CLASP1: variants seen among roughly 807,000 people sequenced by gnomAD.
CLASP1 encodes cytoplasmic linker associated protein 1.
Under a neutral mutation model 192.3 loss-of-function variants are expected in CLASP1, and 38 were observed. The observed-to-expected ratio is 0.20, with a 90% CI of 0.15 to 0.26. CLASP1 has a LOEUF of 0.26. CLASP1 is among the 10% of genes least tolerant of loss of function. The pLI is 1.00. For missense variants in CLASP1, 1,433 were observed against 1,932.5 expected, an observed-to-expected ratio of 0.74 and a Z score of 4.85; for synonymous variants, 691 against 712.8, an observed-to-expected ratio of 0.97 and a Z score of 0.49.
chr2:121,359,244 T>C (rs921329113), intron 37 of CLASP1, among the ~76,000 whole-genome samples: 1 of 152,376 alleles, frequency 6.6e-6, no homozygotes, highest in East Asian at 1.9e-4. Flanking sequence ...GTATAGCATA[T>C]GACAATTTTA....
In CLASP1 at chr2:121,383,221, C is replaced by T. The variant is rs188523586; in HGVS notation, c.3375-897G>A. 6.6e-5 allele frequency among the ~76,000 whole-genome samples: 10 copies of T among 152,356 alleles called. No homozygotes were observed. In the East Asian group the frequency reaches 1.9e-3, roughly 29 times the overall value. ...TGGCATCAGTGCCAGGGTGCCTACA[C>T]AGCAGCCCTGCCTGCCACTGGCATT... is the stretch of plus-strand genomic sequence containing the variant. On this transcript the variant is annotated intron_variant, in intron 32 of 39. Transcript: ENST00000263710.
chr2:121,369,445 T>C (rs1431463250), intron 34 of CLASP1, among the ~76,000 whole-genome samples: 1 of 152,052 alleles, frequency 6.6e-6, no homozygotes, highest in Admixed American at 6.5e-5. Flanking sequence ...AAAAATACCA[T>C]TATAATGAAA....
At chr2:121,412,904 T>C (rs2077957692) in intron 23 of CLASP1, among the ~76,000 whole-genome samples, 1 of 152,170 alleles carries the variant, frequency 6.6e-6, no homozygotes. Context: ...TTCCAAGAGA[T>C]GAATACCTAT....
chr2:121,376,227 T>A (rs1052367185), intron 34 of CLASP1, among the ~76,000 whole-genome samples: 3 of 152,188 alleles, frequency 2.0e-5, no homozygotes, highest in African/African-American at 7.2e-5. Context: ...GCCTACACCC[T>A]CATGTTTGTT....
chr2:121,364,036 C>T (rs2066911106), intron 36 of CLASP1: 1 of 152,186 alleles, frequency 6.6e-6, no homozygotes, highest in African/African-American at 2.4e-5. Flanking sequence ...GGCATAACTG[C>T]CTTACGAGCC....
chr2:121,371,584 AGTTCT>A (rs936636807), intron 34 of CLASP1, among the ~76,000 whole-genome samples: 9 of 151,914 alleles, frequency 5.9e-5, no homozygotes, highest in Admixed American at 2.0e-4. Context: ...TCTTGATAGG[AGTTCT>A]GTTTCCCTAG....
intron 8 of CLASP1, chr2:121,470,399 A>G: frequency 2.3e-6 from 1 of 437,286 alleles, no homozygotes; most frequent in East Asian, 6.0e-5. Context: ...GAGCCACTGT[A>G]CTTGGTCACC....
chr2:121,594,486 G>A (rs1384751751), intron 2 of CLASP1, among the ~76,000 whole-genome samples: 4 of 150,552 alleles, frequency 2.7e-5, no homozygotes, highest in Admixed American at 6.6e-5. Context: ...TCCGCCTCCC[G>A]GGTTCACACC....
chr2:121,516,476 C>T (rs932970225), intron 6 of CLASP1, among the ~76,000 whole-genome samples: 13 of 152,178 alleles, frequency 8.5e-5, no homozygotes, highest in Admixed American at 6.5e-4. Flanking sequence ...CAGACATGCA[C>T]GGCACATGCT....
chr2:121,604,343 G>A (rs1440630271), intron 2 of CLASP1, among the ~76,000 whole-genome samples: 3 of 152,276 alleles, frequency 2.0e-5, no homozygotes, highest in East Asian at 1.9e-4. Context: ...ATAAACAGAT[G>A]AATGAAATAG....
At chr2:121,371,386 C>T (rs1344850186) in intron 34 of CLASP1, among the ~76,000 whole-genome samples, 2 of 151,890 alleles carry the variant, frequency 1.3e-5, no homozygotes, top group Non-Finnish European at 2.9e-5. Flanking sequence ...TGCACACCAC[C>T]ACATCTAGAT....
chr2:121,384,570 T>C (rs1355120118), intron 32 of CLASP1, among the ~76,000 whole-genome samples: 22 of 152,130 alleles, frequency 1.4e-4, no homozygotes, highest in Admixed American at 1.0e-3. Context: ...TATAGAAATT[T>C]TGGACTAAAA....
At chr2:121,349,246 A>G (rs547152902) in intron 37 of CLASP1, among the ~76,000 whole-genome samples, 4 of 151,968 alleles carry the variant, frequency 2.6e-5, no homozygotes, top group South Asian at 2.1e-4. Flanking sequence ...TCTCAAAAAA[A>G]AAAAGAAAAG....
rs531599026 is a variant in CLASP1 at position 121,531,321 on chromosome 2, C to T, written c.196-996G>A. Among the ~76,000 whole-genome samples the T allele has an allele frequency of 1.3e-4, 20 of 152,262 alleles. No homozygotes were observed. The East Asian group carries it at 3.5e-3, about 26-fold the overall frequency. On this transcript the variant is annotated intron_variant, in intron 2 of 39. Transcript: ENST00000263710. ...CACATAAAATGTAATCCAGGTCGGG[C>T]GCGGTGGCTCACGCCTGCAATCCCA...
At chr2:121,623,751 G>C (rs1388611674) in intron 1 of CLASP1, among the ~76,000 whole-genome samples, 3 of 152,094 alleles carry the variant, frequency 2.0e-5, no homozygotes, top group African/African-American at 7.2e-5. Flanking sequence ...GGGAGGTTGA[G>C]GCAGGAGAAT....
At chr2:121,377,560 A>T (rs2070546572) in exon 34 of CLASP1, 1 of 1,600,190 alleles carries the variant, frequency 6.2e-7, no homozygotes, top group African/African-American at 1.3e-5. Flanking sequence ...TTGGCTTCGA[A>T]AACTAAACTT....
chr2:121,424,849 G>A (rs2080116131), intron 22 of CLASP1, among the ~76,000 whole-genome samples: 1 of 152,144 alleles, frequency 6.6e-6, no homozygotes, highest in Admixed American at 6.5e-5. Context: ...TCTAATTGTG[G>A]GGGAAACACC....
chr2:121,504,823 C>A (rs2093890457), intron 7 of CLASP1: 1 of 152,244 alleles, frequency 6.6e-6, no homozygotes, highest in Admixed American at 6.5e-5. Flanking sequence ...CCCTCAGAAT[C>A]CTTCTCAAAA....
chr2:121,469,846 C>T (rs1173902473), exon 9 of CLASP1: 20 of 1,613,526 alleles, frequency 1.2e-5, no homozygotes, highest in Non-Finnish European at 1.7e-5. Context: ...ACCAAGCCGG[C>T]GGGTGGTTCC....
Sources: allele counts gnomAD v4.1 joint callset (sites outside exome capture counted in the v4.1 genomes callset), GRCh38; gene constraint gnomAD v4.1.1; transcripts MANE v1.5; gene names NCBI Gene and HGNC (gene_info 2026-07-23, HGNC 2026-07-21).